Variants in CDIN1 observed in about 807,000 individuals in gnomAD.
CDIN1 encodes the protein CDAN1-interacting nuclease 1.
Under a neutral mutation model 45.3 loss-of-function variants are expected in CDIN1, and 33 were observed. The ratio of observed to expected loss-of-function variants is 0.73; its 90% CI spans 0.55 to 0.97. CDIN1 has a LOEUF of 0.97. CDIN1 is among the 50% of genes least tolerant of loss of function. The pLI is 0.00. For missense variants in CDIN1, 303 were observed against 339.4 expected, an observed-to-expected ratio of 0.89 and a Z score of 0.84; for synonymous variants, 118 against 124.4, an observed-to-expected ratio of 0.95 and a Z score of 0.34.
At chr15:36,748,219 A>G (rs1566947802) in intron 10 of CDIN1, among the ~76,000 whole-genome samples, 1 of 152,250 alleles carries the variant, frequency 6.6e-6, no homozygotes, top group Non-Finnish European at 1.5e-5. Context: ...CATAATACAC[A>G]TTTGACAACA....
At chr15:36,628,066 A>G (rs979006995) in intron 1 of CDIN1, among the ~76,000 whole-genome samples, 2 of 151,754 alleles carry the variant, frequency 1.3e-5, no homozygotes, top group African/African-American at 2.4e-5. Context: ...TGACTTACAT[A>G]CAGTTAAATT....
intron 1 of CDIN1, among the ~76,000 whole-genome samples, chr15:36,642,799 A>G (rs1566859247): frequency 6.6e-6 from 1 of 152,224 alleles, no homozygotes; most frequent in Non-Finnish European, 1.5e-5. Context: ...TGAAGCACAA[A>G]GAATGACATG....
intron 1 of CDIN1, among the ~76,000 whole-genome samples, chr15:36,614,394 C>CT (rs145836949): frequency 0.032 from 4,914 of 152,276 alleles, 85 homozygotes; most frequent in South Asian, 0.047. Flanking sequence ...TCCAGCTGGG[C>CT]TAGAGGCTGA....
At chr15:36,710,899 C>T (rs779043444) in intron 10 of CDIN1, among the ~76,000 whole-genome samples, 4 of 152,136 alleles carry the variant, frequency 2.6e-5, no homozygotes, top group Admixed American at 6.6e-5. Flanking sequence ...CAGTGGACCT[C>T]GCCTGTGGCA....
chr15:36,625,903 A>G (rs1302008061), intron 1 of CDIN1, among the ~76,000 whole-genome samples: 2 of 152,162 alleles, frequency 1.3e-5, no homozygotes, highest in Admixed American at 1.3e-4. Context: ...CTTAATTTTA[A>G]TATTTAATTA....
chr15:36,777,472 T>C (rs979407194), intron 10 of CDIN1, among the ~76,000 whole-genome samples: 1 of 151,884 alleles, frequency 6.6e-6, no homozygotes, highest in Non-Finnish European at 1.5e-5. Flanking sequence ...ACTTATTTTA[T>C]ATTTAAAGGT....
chr15:36,634,652 A>G (rs888837560), intron 1 of CDIN1, among the ~76,000 whole-genome samples: 1 of 152,134 alleles, frequency 6.6e-6, no homozygotes, highest in African/African-American at 2.4e-5. Context: ...AAGCCATCTC[A>G]TCTGCAAATA....
intron 1 of CDIN1, among the ~76,000 whole-genome samples, chr15:36,589,522 T>C (rs923963637): frequency 5.9e-5 from 9 of 152,008 alleles, no homozygotes; most frequent in African/African-American, 2.2e-4. Context: ...TTTTTTTTTT[T>C]TGAGACGGAG....
chr15:36,610,390 T>C (rs1344985320), intron 1 of CDIN1, among the ~76,000 whole-genome samples: 2 of 152,238 alleles, frequency 1.3e-5, no homozygotes, highest in Admixed American at 1.3e-4. Context: ...AGTTGTGTAA[T>C]GTGAAAATTA....
chr15:36,679,885 A>T (rs1320344792), intron 5 of CDIN1, among the ~76,000 whole-genome samples: 1 of 152,190 alleles, frequency 6.6e-6, no homozygotes, highest in Non-Finnish European at 1.5e-5. Context: ...CACCCAGGTG[A>T]TGCACCCCAG....
chr15:36,718,812 C>CTTTT (rs3045909), intron 10 of CDIN1, among the ~76,000 whole-genome samples: 12 of 96,626 alleles, frequency 1.2e-4, no homozygotes, highest in South Asian at 4.1e-4. Context: ...AATTTGTATG[C>CTTTT]TTTTTTTTTT....
intron 8 of CDIN1, chr15:36,705,310 G>A (rs560005066): frequency 7.2e-5 from 11 of 152,264 alleles, no homozygotes; most frequent in African/African-American, 2.6e-4. Context: ...GGCAGGTGTT[G>A]TCTAAATAGC....
chr15:36,581,001 T>G (rs1270181881), intron 1 of CDIN1, among the ~76,000 whole-genome samples: 2 of 152,256 alleles, frequency 1.3e-5, no homozygotes, highest in Non-Finnish European at 2.9e-5. Flanking sequence ...TTTGAAGGAC[T>G]TGGTTTTCCT....
At chr15:36,677,930 C>T (rs540176024) in intron 5 of CDIN1, among the ~76,000 whole-genome samples, 8 of 152,240 alleles carry the variant, frequency 5.3e-5, no homozygotes, top group South Asian at 2.1e-4. Context: ...TGGCATATAG[C>T]GGCTATAAGG....
At position 36,644,248 on chromosome 15, in the gene CDIN1, T is replaced by G. The variant is rs1160900117; in HGVS notation, c.102-30T>G. On this transcript the variant is annotated intron_variant, in intron 1 of 10. Transcript: ENST00000566621. ...GTTTCTTTGCCGTGCACTCCAGTAA[T>G]TAACTTTGTCCTTCTTTTATTTGTT... 2.5e-6 allele frequency: 4 copies of G among 1,611,288 alleles called. No homozygotes were observed. In the South Asian group the frequency reaches 4.4e-5, roughly 18 times the overall value.
intron 10 of CDIN1, among the ~76,000 whole-genome samples, chr15:36,715,904 TATC>T (rs1427198841): frequency 3.2e-4 from 49 of 152,142 alleles, no homozygotes; most frequent in Non-Finnish European, 1.5e-5. Flanking sequence ...AATGGATAAG[TATC>T]ATTTTTTCAG....
chr15:36,689,346 T>A (rs2042162775), intron 5 of CDIN1, among the ~76,000 whole-genome samples: 1 of 152,204 alleles, frequency 6.6e-6, no homozygotes, highest in Admixed American at 6.5e-5. Flanking sequence ...GGAGTTTGCA[T>A]ATAGTTTGAT....
chr15:36,628,208 T>G (rs2039529076), intron 1 of CDIN1, among the ~76,000 whole-genome samples: 1 of 152,150 alleles, frequency 6.6e-6, no homozygotes, highest in East Asian at 1.9e-4. Context: ...AGCCCTTTTG[T>G]GGTCAGTTTT....
intron 1 of CDIN1, among the ~76,000 whole-genome samples, chr15:36,608,809 A>G (rs1451798374): frequency 6.6e-6 from 1 of 152,140 alleles, no homozygotes; most frequent in African/African-American, 2.4e-5. Context: ...AGTATGTTAA[A>G]TTAAAAAAAA....
Sources: gnomAD v4.1 joint callset for allele counts (sites outside exome capture counted in the v4.1 genomes callset) on GRCh38, gnomAD v4.1.1 for gene constraint, MANE v1.5 for transcripts, NCBI Gene and HGNC (gene_info 2026-07-23, HGNC 2026-07-21) for gene names.